The following SPMIP2 variants were observed in gnomAD, a reference collection of about 807,000 sequenced individuals.
SPMIP2 encodes protein SPMIP2.
At chr4:159,013,161 G>T in the SPMIP2 span, among the ~76,000 whole-genome samples, 1 of 152,306 alleles carries the variant, frequency 6.6e-6, no homozygotes, top group Non-Finnish European at 1.5e-5. Context: ...TGCAGCTGCT[G>T]CAGGAAAAGG....
At chr4:158,983,189 T>G in the SPMIP2 span, among the ~76,000 whole-genome samples, 1 of 152,070 alleles carries the variant, frequency 6.6e-6, no homozygotes, top group Non-Finnish European at 1.5e-5. Context: ...GTCTGATTGG[T>G]GTACCTGAAA....
the SPMIP2 span, among the ~76,000 whole-genome samples, chr4:159,029,579 T>C: frequency 1.3e-5 from 2 of 152,214 alleles, no homozygotes; most frequent in East Asian, 3.9e-4. Flanking sequence ...ACTTATGCTC[T>C]AACTATGATA....
At chr4:159,024,775 G>T in the SPMIP2 span, among the ~76,000 whole-genome samples, 2 of 152,068 alleles carry the variant, frequency 1.3e-5, no homozygotes, top group Non-Finnish European at 2.9e-5. Context: ...ATTTAGATCA[G>T]GTTTACAAGA....
At chr4:158,998,986 C>G in the SPMIP2 span, among the ~76,000 whole-genome samples, 1 of 151,878 alleles carries the variant, frequency 6.6e-6, no homozygotes, top group African/African-American at 2.4e-5. Context: ...ATAGTGAGCC[C>G]CTGTCTCTAC....
At chr4:158,967,758 C>T in the SPMIP2 span, among the ~76,000 whole-genome samples, 4 of 152,128 alleles carry the variant, frequency 2.6e-5, no homozygotes, top group African/African-American at 4.8e-5. Flanking sequence ...TGGTGGTCTA[C>T]AGACTTATCA....
At chr4:158,926,153 T>A in the SPMIP2 span, among the ~76,000 whole-genome samples, 39 of 152,314 alleles carry the variant, frequency 2.6e-4, no homozygotes, top group African/African-American at 8.2e-4. Context: ...AATCAACTTT[T>A]AAAAAAATTT....
chr4:158,912,992 C>T, the SPMIP2 span, among the ~76,000 whole-genome samples: 1 of 152,130 alleles, frequency 6.6e-6, no homozygotes, highest in Non-Finnish European at 1.5e-5. Context: ...AAACACGTAA[C>T]CTGAACCCAC....
At chr4:158,981,196 T>C in the SPMIP2 span, among the ~76,000 whole-genome samples, 9 of 152,060 alleles carry the variant, frequency 5.9e-5, no homozygotes. Flanking sequence ...CCAAGAAATA[T>C]GAGACTATGT....
the SPMIP2 span, among the ~76,000 whole-genome samples, chr4:159,053,038 G>A: frequency 1.9e-3 from 239 of 126,842 alleles, 1 homozygote; most frequent in Middle Eastern, 0.032. Context: ...CTCACTGCAA[G>A]CTCCGCCTCC....
the SPMIP2 span, chr4:158,904,315 C>A: frequency 6.6e-5 from 43 of 647,102 alleles, no homozygotes; most frequent in Admixed American, 2.8e-4. Flanking sequence ...AGTTTATTAT[C>A]CTTCCATCTG....
chr4:159,080,892 T>G, the SPMIP2 span, among the ~76,000 whole-genome samples: 1 of 151,702 alleles, frequency 6.6e-6, no homozygotes, highest in African/African-American at 2.4e-5. Context: ...CCCGGCTAAT[T>G]TTTTGTATTT....
chr4:158,973,427 G>C, the SPMIP2 span: 2 of 585,228 alleles, frequency 3.4e-6, no homozygotes, highest in Non-Finnish European at 2.9e-6. Context: ...CTACGTTCTA[G>C]GTTCTATTAT....
chr4:158,915,460 G>C, the SPMIP2 span: 1 of 1,078,830 alleles, frequency 9.3e-7, no homozygotes, highest in Non-Finnish European at 1.3e-6. Flanking sequence ...GTAATTTAAG[G>C]TGATTCTAGC....
the SPMIP2 span, among the ~76,000 whole-genome samples, chr4:159,000,421 G>A: frequency 4.6e-5 from 7 of 151,536 alleles, no homozygotes; most frequent in Admixed American, 3.3e-4. Context: ...ATTAGTTTGC[G>A]GTTCCCAGAA....
At chr4:159,007,423 C>G in the SPMIP2 span, 1 of 667,802 alleles carries the variant, frequency 1.5e-6, no homozygotes, top group Admixed American at 1.8e-5. Flanking sequence ...AGGTCCTGTT[C>G]CTGCTTGCCC....
the SPMIP2 span, among the ~76,000 whole-genome samples, chr4:159,002,820 T>C: frequency 6.6e-6 from 1 of 152,094 alleles, no homozygotes; most frequent in Non-Finnish European, 1.5e-5. Context: ...TGGGTCCCTA[T>C]GTGAAATGTA....
At chr4:159,061,633 C>T in the SPMIP2 span, among the ~76,000 whole-genome samples, 1 of 152,002 alleles carries the variant, frequency 6.6e-6, no homozygotes, top group African/African-American at 2.4e-5. Flanking sequence ...CATGGTGAAA[C>T]CCCATCTGTA....
chr4:158,987,875 A>C, the SPMIP2 span, among the ~76,000 whole-genome samples: 1 of 152,130 alleles, frequency 6.6e-6, no homozygotes, highest in Non-Finnish European at 1.5e-5. Context: ...AGCTAGCAGA[A>C]GACAAAAAAT....
chr4:158,924,822 T>C, the SPMIP2 span, among the ~76,000 whole-genome samples: 1 of 152,224 alleles, frequency 6.6e-6, no homozygotes, highest in Non-Finnish European at 1.5e-5. Flanking sequence ...ACCATGTGGT[T>C]TTTATCCTTC....
Sources: allele counts gnomAD v4.1 joint callset (sites outside exome capture counted in the v4.1 genomes callset), GRCh38; gene constraint gnomAD v4.1.1; transcripts MANE v1.5; gene names NCBI Gene and HGNC (gene_info 2026-07-23, HGNC 2026-07-21).